Variants in KIF21A observed in about 807,000 individuals in gnomAD.
KIF21A encodes the protein kinesin-like protein KIF21A.
In KIF21A, 114 loss-of-function variants were observed where a neutral mutation model predicts 202.9. The ratio of observed to expected loss-of-function variants is 0.56; its 90% CI spans 0.48 to 0.66. The LOEUF is 0.66. Ranked by LOEUF, KIF21A falls within the 30% of genes least tolerant of loss-of-function variation. KIF21A has a pLI of 0.00. For missense variants in KIF21A, 1,677 were observed against 1,994.9 expected (o/e 0.84, Z 3.04); for synonymous variants, 667 against 670.8 (o/e 0.99, Z 0.09).
At chr12:39,341,372 G>A in intron 14 of KIF21A, 133 bp downstream of exon 14, 2 of 831,504 alleles carry the variant, frequency 2.4e-6, no homozygotes, top group East Asian at 2.5e-5. Flanking sequence ...ATAAGCCTTG[G>A]AAGGCAAATG....
chr12:39,388,620 T>A (rs1018692367), intron 1 of KIF21A, among the ~76,000 whole-genome samples: 7 of 152,164 alleles, frequency 4.6e-5, no homozygotes, highest in Admixed American at 4.6e-4. Flanking sequence ...GCAATAATAA[T>A]TTCTCTTATT....
intron 1 of KIF21A, among the ~76,000 whole-genome samples, chr12:39,420,794 A>C (rs915731669): frequency 6.6e-6 from 1 of 152,212 alleles, no homozygotes; most frequent in African/African-American, 2.4e-5. Flanking sequence ...AAGAAAAAAA[A>C]AAATCAGACA....
chr12:39,310,123 T>A (rs567843936), intron 32 of KIF21A, among the ~76,000 whole-genome samples: 3 of 152,098 alleles, frequency 2.0e-5, no homozygotes, highest in Non-Finnish European at 4.4e-5. Flanking sequence ...TCTGATCATA[T>A]TCCTACCTCC....
intron 1 of KIF21A, among the ~76,000 whole-genome samples, chr12:39,420,074 TAAAAAAA>T (rs72435342): frequency 1.2e-5 from 1 of 83,128 alleles, no homozygotes; most frequent in East Asian, 3.5e-4. Flanking sequence ...AGACAGAAAG[TAAAAAAA>T]AAAAAAAAAA....
intron 1 of KIF21A, among the ~76,000 whole-genome samples, chr12:39,391,109 C>G (rs551186355): frequency 3.9e-5 from 6 of 152,144 alleles, no homozygotes; most frequent in Non-Finnish European, 5.9e-5. Flanking sequence ...CTCAGTGTAA[C>G]ACATACTGAT....
At chr12:39,345,163 C>T (rs1947787527) in intron 12 of KIF21A, among the ~76,000 whole-genome samples, 1 of 152,176 alleles carries the variant, frequency 6.6e-6, no homozygotes. Flanking sequence ...AACCACTCTG[C>T]TTTTGCTGTC....
rs754357060 is a variant in KIF21A at position 39,370,029 on chromosome 12, T to C, written c.267+10A>G. On this transcript the variant is annotated intron_variant, in intron 2 of 37. Transcript: ENST00000361418. ...AGTTTCAACTCCTATGAAAATAATATGGCACTTACTTGTCCATAAGCAAAA... is the reference window on the plus strand; with the variant it reads ...AGTTTCAACTCCTATGAAAATAATACGGCACTTACTTGTCCATAAGCAAAA... 8.1e-6 allele frequency: 13 copies of C among 1,607,624 alleles called. No individual in the cohort carries two copies. The highest frequency in any genetic ancestry group is 2.2e-5 in the East Asian group (1 of 44,786).
intron 12 of KIF21A, among the ~76,000 whole-genome samples, chr12:39,345,123 T>A (rs1329265122): frequency 1.3e-5 from 2 of 152,190 alleles, no homozygotes; most frequent in South Asian, 2.1e-4. Context: ...TACACACGAC[T>A]ATGTTTGAGA....
intron 1 of KIF21A, among the ~76,000 whole-genome samples, chr12:39,419,893 C>G (rs1954099620): frequency 6.6e-6 from 1 of 151,996 alleles, no homozygotes; most frequent in Non-Finnish European, 1.5e-5. Context: ...CGGCAGAACT[C>G]AAGCACATCC....
At chr12:39,325,790 C>T (rs772434182) in intron 26 of KIF21A, 49 bp downstream of exon 26, 2 of 1,309,556 alleles carry the variant, frequency 1.5e-6, no homozygotes, top group Non-Finnish European at 2.2e-6. Flanking sequence ...ATAGTGATAA[C>T]AAATAATGGT....
intron 1 of KIF21A, among the ~76,000 whole-genome samples, chr12:39,373,817 A>G (rs550133532): frequency 3.3e-5 from 5 of 152,218 alleles, no homozygotes; most frequent in Non-Finnish European, 7.3e-5. Context: ...TCTGGTTATG[A>G]TTCTTGCTAA....
At chr12:39,353,880 C>T (rs140410044) in intron 10 of KIF21A, among the ~76,000 whole-genome samples, 2 of 151,960 alleles carry the variant, frequency 1.3e-5, no homozygotes, top group Non-Finnish European at 2.9e-5. Context: ...CTCTCTCTTC[C>T]CGTTCACTCA....
chr12:39,324,680 C>T (rs180862518), intron 26 of KIF21A, among the ~76,000 whole-genome samples: 1 of 152,286 alleles, frequency 6.6e-6, no homozygotes, highest in East Asian at 1.9e-4. Flanking sequence ...CATATTCCCA[C>T]ACAGCAAAAA....
Position 39,367,018 on chromosome 12 carries a change from TTAA to T in KIF21A, c.735+9_735+11del, listed in dbSNP as rs1949647808. 6.2e-7 allele frequency: 1 copy of T among 1,611,510 alleles called. No individual in the cohort carries two copies. Among genetic ancestry groups the T allele is most frequent in the Non-Finnish European group, 8.5e-7 (1 of 1,177,680 alleles). ...AAATTGAAAGTTTAAGAAATTAGAA[TTAA>T]TAACTCACAGCATCTATTTGGGGAC... On this transcript the variant is annotated intron_variant, in intron 5 of 37. Coordinates refer to ENST00000361418, the MANE Select transcript of KIF21A (RefSeq NM_001173464.2).
At chr12:39,317,178 G>T (rs1381593151) in intron 29 of KIF21A, among the ~76,000 whole-genome samples, 2 of 151,952 alleles carry the variant, frequency 1.3e-5, no homozygotes, top group Non-Finnish European at 2.9e-5. Flanking sequence ...ATAAATAAAA[G>T]AATTATCCAT....
At chr12:39,350,979 T>G (rs943302559) in intron 11 of KIF21A, among the ~76,000 whole-genome samples, 1 of 152,062 alleles carries the variant, frequency 6.6e-6, no homozygotes, top group Non-Finnish European at 1.5e-5. Context: ...CTTTTGAATA[T>G]CTAGCCAAAA....
At chr12:39,308,250 T>C (rs1943667000) in intron 33 of KIF21A, among the ~76,000 whole-genome samples, 1 of 151,568 alleles carries the variant, frequency 6.6e-6, no homozygotes, top group African/African-American at 2.4e-5. Context: ...TAGCTGGGGG[T>C]GGTGGTGCGT....
intron 26 of KIF21A, among the ~76,000 whole-genome samples, chr12:39,325,579 C>T (rs1306858852): frequency 1.3e-5 from 2 of 149,964 alleles, no homozygotes; most frequent in Non-Finnish European, 3.0e-5. Context: ...TCCTGACCTC[C>T]TGATCATCCG....
intron 7 of KIF21A, among the ~76,000 whole-genome samples, chr12:39,359,616 G>A (rs1233489188): frequency 2.6e-5 from 4 of 152,102 alleles, no homozygotes; most frequent in Admixed American, 2.6e-4. Flanking sequence ...AGAAAATAAG[G>A]TAATTCAGTA....
Sources: allele counts gnomAD v4.1 joint callset (sites outside exome capture counted in the v4.1 genomes callset), GRCh38; gene constraint gnomAD v4.1.1; transcripts MANE v1.5; gene names NCBI Gene and HGNC (gene_info 2026-07-23, HGNC 2026-07-21).